OR9Q1: variants seen among roughly 807,000 people sequenced by gnomAD.
The protein encoded by OR9Q1 is olfactory receptor family 9 subfamily Q member 1.
For missense variants in OR9Q1, 374 were observed against 378.8 expected, an observed-to-expected ratio of 0.99 and a Z score of 0.11; for synonymous variants, 153 against 148.6, an observed-to-expected ratio of 1.03 and a Z score of -0.22.
chr11:58,142,991 A>G (rs1313428331), intron 2 of OR9Q1, among the ~76,000 whole-genome samples: 1 of 152,156 alleles, frequency 6.6e-6, no homozygotes, highest in African/African-American at 2.4e-5. Context: ...CAGGCTATAG[A>G]GGTCCTAACA....
chr11:58,179,984 C>A lies in OR9Q1; in HGVS notation c.540C>A (p.Asp180Glu). 1 of 1,614,154 alleles carries A rather than the reference C, an allele frequency of 6.2e-7. No individual in the cohort carries two copies. Among genetic ancestry groups the A allele is most frequent in the African/African-American group, 1.3e-5 (1 of 75,048 alleles). Residue 180 changes from aspartate to glutamate, a missense_variant, in exon 3 of 3, where the codon GAC (aspartate) becomes GAA (glutamate). By Grantham distance (45) the Asp-to-Glu change is conservative (BLOSUM62 2). Coordinates refer to ENST00000335397, the MANE Select transcript of OR9Q1 (RefSeq NM_001005212.4). ...GTGAGATTGACTTTATTTTCTGTGA[C>A]CTCCCTCCTCTGTTAAAGTTGACCT... Reference protein sequence around the residue: ...GTSEIDFIFCDLPPLLKLTCG... With the variant: ...GTSEIDFIFCELPPLLKLTCG...
chr11:58,137,593 A>G (rs1854201466), intron 2 of OR9Q1, among the ~76,000 whole-genome samples: 1 of 152,226 alleles, frequency 6.6e-6, no homozygotes. Flanking sequence ...GGGCATAGAA[A>G]GGTACTCACT....
intron 2 of OR9Q1, among the ~76,000 whole-genome samples, chr11:58,136,166 G>C (rs987172418): frequency 5.3e-5 from 8 of 152,124 alleles, no homozygotes; most frequent in Non-Finnish European, 1.2e-4. Context: ...TAACTAATGT[G>C]GGGGAAAGAT....
intron 1 of OR9Q1, among the ~76,000 whole-genome samples, chr11:58,026,364 T>C (rs1041215205): frequency 1.3e-5 from 2 of 152,140 alleles, no homozygotes; most frequent in Admixed American, 6.5e-5. Flanking sequence ...TTATATTCAA[T>C]GGTACATGTG....
At chr11:58,080,962 C>T (rs556013941) in intron 2 of OR9Q1, among the ~76,000 whole-genome samples, 1 of 152,130 alleles carries the variant, frequency 6.6e-6, no homozygotes. Context: ...TGCTATCCCT[C>T]CCCTTGTCCC....
chr11:58,121,742 G>A (rs1854034755), intron 2 of OR9Q1, among the ~76,000 whole-genome samples: 1 of 152,166 alleles, frequency 6.6e-6, no homozygotes, highest in Admixed American at 6.5e-5. Context: ...GCACAACTGG[G>A]AATTTTCTTT....
Position 58,107,959 on chromosome 11 carries a change from T to C in OR9Q1, c.-15+52012T>C, listed in dbSNP as rs79655285. 5.7e-3 allele frequency among the ~76,000 whole-genome samples: 862 copies of C among 152,278 alleles called. 25 individuals carry two copies. Among genetic ancestry groups the C allele is most frequent in the Admixed American group, 0.048 (738 of 15,278 alleles). On this transcript the variant is annotated intron_variant, in intron 2 of 2. Coordinates refer to ENST00000335397, the MANE Select transcript of OR9Q1 (RefSeq NM_001005212.4). ...ACTACTTGCTACAGGTCTATCATTGTTGACTTTGCAGACCCTGGGAACAAG... is the reference window on the plus strand; with the variant it reads ...ACTACTTGCTACAGGTCTATCATTGCTGACTTTGCAGACCCTGGGAACAAG...
chr11:58,077,121 T>G (rs1853544967), intron 2 of OR9Q1, among the ~76,000 whole-genome samples: 1 of 152,168 alleles, frequency 6.6e-6, no homozygotes, highest in Non-Finnish European at 1.5e-5. Flanking sequence ...ATGTTGAGAT[T>G]TCTATAACTC....
At chr11:58,074,429 C>T (rs1391129482) in intron 2 of OR9Q1, among the ~76,000 whole-genome samples, 1 of 152,050 alleles carries the variant, frequency 6.6e-6, no homozygotes, top group Non-Finnish European at 1.5e-5. Flanking sequence ...GTGTTCATAT[C>T]CTTTGCCCAC....
chr11:58,035,945 G>GT (rs386373862), intron 1 of OR9Q1, among the ~76,000 whole-genome samples: 9,868 of 141,388 alleles, frequency 0.07, 432 homozygotes, highest in African/African-American at 0.11. Flanking sequence ...ACTGGTACTG[G>GT]TTTTTTTTTT....
intron 1 of OR9Q1, chr11:58,031,132 C>T (rs1853029290): frequency 6.2e-7 from 1 of 1,614,088 alleles, no homozygotes; most frequent in Admixed American, 1.7e-5. Context: ...TACGGAGACC[C>T]ATGTATTTCT....
At chr11:58,119,245 G>A in intron 2 of OR9Q1, 1 of 1,614,020 alleles carries the variant, frequency 6.2e-7, no homozygotes, top group South Asian at 1.1e-5. Flanking sequence ...ATCCAGCAGG[G>A]AGAGGTGGCT....
intron 2 of OR9Q1, among the ~76,000 whole-genome samples, chr11:58,151,517 G>A (rs1258793805): frequency 6.6e-6 from 1 of 152,176 alleles, no homozygotes; most frequent in Non-Finnish European, 1.5e-5. Flanking sequence ...TTGAAAAACT[G>A]TCTTCAGTAT....
chr11:58,133,647 G>A (rs1383150031), intron 2 of OR9Q1, among the ~76,000 whole-genome samples: 1 of 152,188 alleles, frequency 6.6e-6, no homozygotes, highest in Non-Finnish European at 1.5e-5. Context: ...AGAAAGGTGA[G>A]ATCACATGGA....
chr11:58,134,392 G>C (rs546136682), intron 2 of OR9Q1, among the ~76,000 whole-genome samples: 1 of 152,268 alleles, frequency 6.6e-6, no homozygotes, highest in East Asian at 1.9e-4. Context: ...TTTCCCATTG[G>C]CTCTTTGTAT....
At chr11:58,085,318 A>G (rs1036005143) in intron 2 of OR9Q1, among the ~76,000 whole-genome samples, 7 of 151,904 alleles carry the variant, frequency 4.6e-5, no homozygotes, top group Admixed American at 3.3e-4. Flanking sequence ...CTGTGAGACC[A>G]TCACCACAAT....
chr11:58,075,440 G>T (rs1590573922), intron 2 of OR9Q1: 1 of 152,254 alleles, frequency 6.6e-6, no homozygotes, highest in Non-Finnish European at 1.5e-5. Flanking sequence ...CACGGCAGCT[G>T]TGCCCCCCAA....
chr11:58,088,304 T>C (rs1417454453), intron 2 of OR9Q1, among the ~76,000 whole-genome samples: 1 of 151,970 alleles, frequency 6.6e-6, no homozygotes, highest in African/African-American at 2.4e-5. Flanking sequence ...GTCTTTATAG[T>C]AGAATGATTT....
chr11:58,061,161 T>C (rs937712590), intron 2 of OR9Q1, among the ~76,000 whole-genome samples: 1 of 152,166 alleles, frequency 6.6e-6, no homozygotes, highest in Non-Finnish European at 1.5e-5. Flanking sequence ...GGGCTCACTG[T>C]CAGACTTTTC....
Sources: gnomAD v4.1 joint callset for allele counts (sites outside exome capture counted in the v4.1 genomes callset) on GRCh38, gnomAD v4.1.1 for gene constraint, MANE v1.5 for transcripts, NCBI Gene and HGNC (gene_info 2026-07-23, HGNC 2026-07-21) for gene names.